Variants in PLA2G4E observed in about 807,000 individuals in gnomAD.
PLA2G4E encodes cytosolic phospholipase A2 epsilon.
PLA2G4E carries 84 observed loss-of-function variants against 109.1 expected under a neutral mutation model. The observed-to-expected ratio is 0.77, with a 90% confidence interval of 0.65 to 0.92. The LOEUF is 0.92. PLA2G4E is among the 40% of genes least tolerant of loss of function. PLA2G4E has a pLI of 0.00. For synonymous variants in PLA2G4E, 469 were observed against 436.1 expected, an observed-to-expected ratio of 1.08 and a Z score of -0.94; for missense variants, 1,057 against 1,076.6, an observed-to-expected ratio of 0.98 and a Z score of 0.25.
chr15:42,020,449 T>G (rs962747223), intron 1 of PLA2G4E, among the ~76,000 whole-genome samples: 3 of 152,200 alleles, frequency 2.0e-5, no homozygotes, highest in Non-Finnish European at 2.9e-5. Flanking sequence ...GATGGACCCA[T>G]GAGCCTTGAC....
At chr15:42,045,710 G>T (rs977828340) in intron 1 of PLA2G4E, among the ~76,000 whole-genome samples, 1 of 152,142 alleles carries the variant, frequency 6.6e-6, no homozygotes. Context: ...GGTGGAAAAC[G>T]GGAGAGCACA....
rs376569244 is a variant in PLA2G4E, at chr15:42,000,056, C to T, written c.852+48G>A. The T allele has an allele frequency of 4.1e-5, 65 of 1,573,510 alleles. No individual in the cohort carries two copies. The Admixed American group carries it at 1.1e-3, about 27-fold the overall frequency. ...GCTGGGGAGCTCCTCTGGCACCCCCCACCTGTCCCAGTCCCCCACACCTCC... is the reference window on the plus strand; with the variant it reads ...GCTGGGGAGCTCCTCTGGCACCCCCTACCTGTCCCAGTCCCCCACACCTCC... On this transcript the variant is annotated intron_variant, in intron 8 of 19. Transcript: ENST00000399518.
intron 1 of PLA2G4E, among the ~76,000 whole-genome samples, chr15:42,024,846 G>A (rs1402551252): frequency 6.6e-6 from 1 of 152,152 alleles, no homozygotes; most frequent in Non-Finnish European, 1.5e-5. Context: ...GCAGCTCTAC[G>A]TATATACGGA....
chr15:42,018,124 G>T (rs2068613852), intron 1 of PLA2G4E, among the ~76,000 whole-genome samples: 1 of 152,236 alleles, frequency 6.6e-6, no homozygotes, highest in African/African-American at 2.4e-5. Context: ...ATGAGAAATG[G>T]CCTTCTTGGG....
intron 1 of PLA2G4E, among the ~76,000 whole-genome samples, chr15:42,017,544 C>T (rs1262384321): frequency 6.6e-6 from 1 of 152,210 alleles, no homozygotes; most frequent in African/African-American, 2.4e-5. Context: ...AGGCTAAGTC[C>T]TTTGACACAG....
intron 2 of PLA2G4E, among the ~76,000 whole-genome samples, chr15:42,011,613 C>T (rs1193241148): frequency 6.6e-6 from 1 of 151,956 alleles, no homozygotes; most frequent in East Asian, 1.9e-4. Context: ...GCCTGTAGTC[C>T]CAGCTACTTG....
At chr15:42,007,279 C>T (rs1015694922) in intron 3 of PLA2G4E, among the ~76,000 whole-genome samples, 1 of 152,068 alleles carries the variant, frequency 6.6e-6, no homozygotes. Flanking sequence ...TCCCATGGAA[C>T]AACTCAACAA....
At chr15:42,045,534 G>A (rs1889399049) in intron 1 of PLA2G4E, among the ~76,000 whole-genome samples, 1 of 152,222 alleles carries the variant, frequency 6.6e-6, no homozygotes, top group Non-Finnish European at 1.5e-5. Flanking sequence ...TGCTTTCTGA[G>A]AGTATTTACT....
intron 13 of PLA2G4E, among the ~76,000 whole-genome samples, chr15:41,991,641 T>C (rs575045928): frequency 5.3e-5 from 8 of 152,262 alleles, no homozygotes; most frequent in Admixed American, 4.6e-4. Flanking sequence ...AGTAATTTAA[T>C]TGAAGGAATG....
intron 1 of PLA2G4E, among the ~76,000 whole-genome samples, chr15:42,033,708 G>C (rs74008953): frequency 6.6e-6 from 1 of 152,164 alleles, no homozygotes; most frequent in Non-Finnish European, 1.5e-5. Context: ...AGGGTCCTCT[G>C]GTCTGTGAGG....
At chr15:42,007,773 C>T in exon 3 of PLA2G4E, 1 of 1,612,742 alleles carries the variant, frequency 6.2e-7, no homozygotes, top group Non-Finnish European at 8.5e-7. Context: ...TCATTCCACT[C>T]TGGATTTGGG....
rs200572412 is a variant in PLA2G4E at position 42,000,235 on chromosome 15, G to T, written c.721C>A (p.Arg241Ser). 1.5e-4 allele frequency: 232 copies of T among 1,581,992 alleles called. No homozygotes were observed. Among genetic ancestry groups the T allele is most frequent in the Non-Finnish European group, 1.6e-4 (192 of 1,164,022 alleles). ...CAGGGTTCCAAGCAGGGCCGGACACGCTGGGTGTTCTCAAAGGATTCGTTC... is the reference window on the plus strand; with the variant it reads ...CAGGGTTCCAAGCAGGGCCGGACACTCTGGGTGTTCTCAAAGGATTCGTTC... The change falls in exon 8 of 20, where the codon CGT becomes AGT. Residue 241 changes from arginine (R) to serine (S), a missense_variant. Transcript: ENST00000399518.
exon 2 of PLA2G4E, chr15:42,013,704 A>G (rs2068560856): frequency 6.4e-7 from 1 of 1,550,532 alleles, no homozygotes; most frequent in Non-Finnish European, 8.7e-7. Flanking sequence ...CCTGCCGGAC[A>G]TTTTTCATCC....
chr15:41,987,137 G>T (rs965081966), intron 17 of PLA2G4E, 35 bp downstream of exon 17: 4 of 1,576,068 alleles, frequency 2.5e-6, no homozygotes, highest in Non-Finnish European at 3.5e-6. Flanking sequence ...CCTCCATATG[G>T]AGGCAGGCCT....
intron 1 of PLA2G4E, among the ~76,000 whole-genome samples, chr15:42,024,520 C>T (rs2068676603): frequency 6.6e-6 from 1 of 152,210 alleles, no homozygotes; most frequent in African/African-American, 2.4e-5. Flanking sequence ...TGCCAGCAGA[C>T]TCTTGGCCTC....
chr15:42,022,087 A>G (rs949468118), intron 1 of PLA2G4E, among the ~76,000 whole-genome samples: 35 of 152,190 alleles, frequency 2.3e-4, no homozygotes, highest in African/African-American at 6.7e-4. Context: ...CACAAATTCA[A>G]TTTAGTTCAT....
At position 42,001,239 on chromosome 15, in the gene PLA2G4E, G is replaced by C; in HGVS notation, c.610-19C>G. 6.2e-7 allele frequency: 1 copy of C among 1,605,264 alleles called. No homozygotes were observed. Among genetic ancestry groups the C allele is most frequent in the Non-Finnish European group, 8.5e-7 (1 of 1,172,030 alleles). On this transcript the variant is annotated intron_variant, in intron 6 of 19. Transcript: ENST00000399518. ...GTCGAGACTGTAAAAAACAAAGGAG[G>C]GTCACAGAGTGTCTGAGCACCAGCC...
exon 3 of PLA2G4E, chr15:42,007,774 T>C (rs748740818): frequency 1.9e-6 from 3 of 1,612,574 alleles, no homozygotes; most frequent in African/African-American, 2.7e-5. Flanking sequence ...CATTCCACTC[T>C]GGATTTGGGC....
chr15:41,989,679 C>T (rs1259089341), intron 14 of PLA2G4E, 127 bp from the exon 15 acceptor site: 69 of 1,303,708 alleles, frequency 5.3e-5, no homozygotes, highest in Non-Finnish European at 6.6e-5. Flanking sequence ...GGCCGCAGTT[C>T]CCCCAAAGGA....
Sources: gnomAD v4.1 joint callset for allele counts (sites outside exome capture counted in the v4.1 genomes callset) on GRCh38, gnomAD v4.1.1 for gene constraint, MANE v1.5 for transcripts, NCBI Gene and HGNC (gene_info 2026-07-23, HGNC 2026-07-21) for gene names.